Variants in NRIP1 observed in about 807,000 individuals in gnomAD.
NRIP1 encodes the protein nuclear receptor-interacting protein 1.
In NRIP1, 28 loss-of-function variants were observed where a neutral mutation model predicts 75.0. That is an observed-to-expected ratio of 0.37 (90% CI 0.28 to 0.51). NRIP1 has a LOEUF of 0.51. NRIP1 is among the 20% of genes least tolerant of loss of function. The probability of loss-of-function intolerance (pLI) is 0.92; values close to 1 mark genes in which losing one functional copy is unlikely to be tolerated. For missense variants in NRIP1, 1,435 were observed against 1,343.7 expected (o/e 1.07, Z -1.06); for synonymous variants, 526 against 487.6 (o/e 1.08, Z -1.04).
At chr21:15,017,473 A>T (rs957049091) in intron 2 of NRIP1, among the ~76,000 whole-genome samples, 1 of 152,210 alleles carries the variant, frequency 6.6e-6, no homozygotes, top group African/African-American at 2.4e-5. Context: ...GGTAATGATA[A>T]CTATAGTTTA....
At chr21:14,985,295 A>T (rs560361764) in intron 3 of NRIP1, among the ~76,000 whole-genome samples, 104 of 152,346 alleles carry the variant, frequency 6.8e-4, no homozygotes, top group African/African-American at 2.5e-3. Flanking sequence ...TTAAAATGAT[A>T]TGACAATGTT....
At chr21:14,995,133 T>TGCAGACAG (rs961316216) in intron 3 of NRIP1, among the ~76,000 whole-genome samples, 1 of 145,964 alleles carries the variant, frequency 6.9e-6, no homozygotes, top group Admixed American at 6.7e-5. Flanking sequence ...CTCACATTCA[T>TGCAGACAG]GCAGACAGAC....
chr21:15,023,432 C>G (rs7281871), intron 2 of NRIP1, among the ~76,000 whole-genome samples: 36,851 of 151,856 alleles, frequency 0.24, 5,645 homozygotes, highest in African/African-American at 0.43. Context: ...TTTTTGTACA[C>G]CAGTAACAAA....
chr21:15,051,288 G>GT (rs2089197704), intron 1 of NRIP1: 1 of 164,180 alleles, frequency 6.1e-6, no homozygotes, highest in African/African-American at 2.4e-5. Context: ...GTGTGTGCGC[G>GT]TGTGTGTGTC....
At chr21:14,973,576 A>G (rs2086963882) in intron 3 of NRIP1, among the ~76,000 whole-genome samples, 1 of 152,164 alleles carries the variant, frequency 6.6e-6, no homozygotes, top group Admixed American at 6.5e-5. Context: ...TGAGGAAAAA[A>G]TGGTTAATTT....
At chr21:14,984,468 A>AGTTG (rs758432123) in intron 3 of NRIP1, among the ~76,000 whole-genome samples, 21 of 151,400 alleles carry the variant, frequency 1.4e-4, no homozygotes, top group Non-Finnish European at 2.6e-4. Context: ...GAGCCTGAGG[A>AGTTG]GTTGCTTCTT....
At chr21:14,986,682 T>A (rs2087413853) in intron 3 of NRIP1, among the ~76,000 whole-genome samples, 1 of 152,204 alleles carries the variant, frequency 6.6e-6, no homozygotes. Flanking sequence ...TTGTTTTAAA[T>A]ATATGACACA....
At position 14,966,504 on chromosome 21, in the gene NRIP1, C is replaced by A. The variant is rs1222013812; in HGVS notation, c.1689G>T (p.Gly563=). The change falls in exon 4 of 4, where the codon GGG becomes GGT. Residue 563 remains glycine, a synonymous_variant. Coordinates refer to ENST00000318948, the MANE Select transcript of NRIP1 (RefSeq NM_003489.4). ...TPPLLTSSKA[G]SPINLSQHSL... is the part of the protein sequence containing the mutation. ...AGTGTTGAGAGAGATTGATGGGAGA[C>A]CCTGCTTTGCTTGATGTAAGTAAAG... The A allele has an allele frequency of 6.2e-7, 1 of 1,614,058 alleles. No homozygotes were observed. The highest frequency in any genetic ancestry group is 8.5e-7 in the Non-Finnish European group (1 of 1,179,986).
chr21:15,038,190 A>ACC (rs1163497985), intron 2 of NRIP1, among the ~76,000 whole-genome samples: 1 of 152,122 alleles, frequency 6.6e-6, no homozygotes, highest in Non-Finnish European at 1.5e-5. Context: ...TGTAACAAAC[A>ACC]TTATAATGTC....
chr21:14,996,512 G>A (rs1568967566), intron 3 of NRIP1, among the ~76,000 whole-genome samples: 1 of 152,094 alleles, frequency 6.6e-6, no homozygotes, highest in Non-Finnish European at 1.5e-5. Context: ...ATGACTTTAG[G>A]CAAACAGTCT....
At chr21:15,019,362 A>G (rs1204109611) in intron 2 of NRIP1, among the ~76,000 whole-genome samples, 1 of 150,400 alleles carries the variant, frequency 6.6e-6, no homozygotes, top group Non-Finnish European at 1.5e-5. Context: ...TATGCAGGTA[A>G]CATGATCTTG....
Position 14,963,913 on chromosome 21 carries a change from TCAA to T in NRIP1, c.*800_*802del, listed in dbSNP as rs1481143296. 6.6e-6 allele frequency: 1 copy of T among 152,560 alleles called. No homozygotes were observed. Among genetic ancestry groups the T allele is most frequent in the Non-Finnish European group, 1.5e-5 (1 of 68,022 alleles). 9.5% of individuals were successfully genotyped at this position (152,560 alleles called of 1,614,324 possible). A position where few individuals can be genotyped will look rare whatever the true frequency, so the allele number is the denominator to read the frequency against. On this transcript the variant is annotated 3_prime_UTR_variant, in exon 4 of 4. Transcript: ENST00000318948. ...CTGTTAAAAACAATTTCTTAAATAT[TCAA>T]CTTTTCAGGAAACCACCTAAAGATA...
chr21:14,985,457 C>T (rs948678107), intron 3 of NRIP1, among the ~76,000 whole-genome samples: 2 of 152,014 alleles, frequency 1.3e-5, no homozygotes, highest in Admixed American at 1.3e-4. Flanking sequence ...TGGTAGAAAA[C>T]CCACAAGATT....
rs558317034 is a variant in NRIP1, at chr21:15,005,665, A to G, written c.-335+8679T>C. On this transcript the variant is annotated intron_variant, in intron 3 of 3. Coordinates refer to ENST00000318948, the MANE Select transcript of NRIP1 (RefSeq NM_003489.4). ...GGCTGCTCTTAGCAGGATCTGTGCC[A>G]GTGTGAGAAGCAAAATTAAAAACAA... is the stretch of plus-strand genomic sequence containing the variant. 1.2e-3 allele frequency among the ~76,000 whole-genome samples: 182 copies of G among 152,318 alleles called. 3 individuals carry two copies. Among genetic ancestry groups the G allele is most frequent in the African/African-American group, 4.2e-3 (176 of 41,572 alleles).
chr21:15,057,080 A>C (rs1442719230), intron 1 of NRIP1, among the ~76,000 whole-genome samples: 1 of 152,162 alleles, frequency 6.6e-6, no homozygotes, highest in East Asian at 1.9e-4. Context: ...TCACAAATAC[A>C]TTGTTAATTT....
chr21:15,019,470 CTTTTTTTTTTTTTTTTTTTTTTTT>C (rs539278321), intron 2 of NRIP1, among the ~76,000 whole-genome samples: 17 of 38,674 alleles, frequency 4.4e-4, no homozygotes, highest in Non-Finnish European at 2.2e-4. Context: ...AACTGCATTT[CTTTTTTTTTTTTTTTTTTTTTTTT>C]TTTTTTTTTT....
chr21:15,014,489 T>A (rs1229347581), intron 2 of NRIP1, 23 bp from the exon 3 acceptor site: 1 of 398,278 alleles, frequency 2.5e-6, no homozygotes, highest in African/African-American at 2.1e-5. Flanking sequence ...GAAAAGATAG[T>A]TTGGCATCTA....
rs543344464 is a variant in NRIP1 at position 14,966,208 on chromosome 21, G to A, written c.1985C>T (p.Pro662Leu). 15 of 1,613,720 alleles carry A rather than the reference G, an allele frequency of 9.3e-6. No individual in the cohort carries two copies. Among genetic ancestry groups the A allele is most frequent in the African/African-American group, 5.3e-5 (4 of 74,988 alleles). ...KQLLTGNTDK[P>L]IGMIDRLNSP... ...ATTTAATCTATCAATCATACCTATC[G>A]GTTTATCTGTGTTTCCAGTTAACAG... The change falls in exon 4 of 4, where the codon CCG becomes CTG. Residue 662 changes from proline (P) to leucine (L), a missense_variant. By Grantham distance (98) the Pro-to-Leu change is moderately conservative (BLOSUM62 -3). Transcript: ENST00000318948.
At chr21:15,034,258 C>CAAAA (rs1328914808) in intron 2 of NRIP1, among the ~76,000 whole-genome samples, 11 of 152,278 alleles carry the variant, frequency 7.2e-5, no homozygotes, top group African/African-American at 2.6e-4. Context: ...CTTTTATTTT[C>CAAAA]TTGCAGTCAG....
Sources: gnomAD v4.1 joint callset for allele counts (sites outside exome capture counted in the v4.1 genomes callset) on GRCh38, gnomAD v4.1.1 for gene constraint, MANE v1.5 for transcripts, NCBI Gene and HGNC (gene_info 2026-07-23, HGNC 2026-07-21) for gene names.